The following COA1 variants were observed in gnomAD, a reference collection of about 807,000 sequenced individuals.
COA1 encodes the protein cytochrome c oxidase assembly factor 1.
In COA1, 13 loss-of-function variants were observed where a neutral mutation model predicts 16.0. That is an observed-to-expected ratio of 0.81 (90% CI 0.53 to 1.29). The LOEUF is 1.29. Ranked by LOEUF, COA1 falls within the 50% of genes most tolerant of loss-of-function variation. COA1 has a pLI of 0.00. For synonymous variants in COA1, 65 were observed against 65.7 expected (o/e 0.99, Z 0.05); for missense variants, 179 against 177.0 (o/e 1.01, Z -0.06).
chr7:43,611,796 G>GT (rs1197165865), intron 6 of COA1, among the ~76,000 whole-genome samples: 31 of 152,092 alleles, frequency 2.0e-4, no homozygotes, highest in Non-Finnish European at 4.1e-4. Flanking sequence ...TTTTAATGAT[G>GT]TTTTACTAGT....
intron 1 of COA1, among the ~76,000 whole-genome samples, chr7:43,688,304 T>G (rs2094128882): frequency 6.6e-6 from 1 of 152,186 alleles, no homozygotes; most frequent in Non-Finnish European, 1.5e-5. Context: ...TTAATGCTTA[T>G]GCCTCAGAAA....
chr7:43,717,338 A>C (rs916125023), intron 1 of COA1, among the ~76,000 whole-genome samples: 2 of 152,088 alleles, frequency 1.3e-5, no homozygotes, highest in Non-Finnish European at 2.9e-5. Flanking sequence ...GGCAGCTCCA[A>C]CAGCATGACC....
chr7:43,721,943 T>C (rs1188024133), intron 1 of COA1, among the ~76,000 whole-genome samples: 1 of 152,164 alleles, frequency 6.6e-6, no homozygotes, highest in Non-Finnish European at 1.5e-5. Flanking sequence ...TAATACTGCA[T>C]GCTGACATAC....
chr7:43,713,314 G>A (rs1023872132), intron 1 of COA1, among the ~76,000 whole-genome samples: 21 of 152,028 alleles, frequency 1.4e-4, no homozygotes, highest in African/African-American at 4.3e-4. Context: ...ATCATCTCAC[G>A]CACTTATCAC....
intron 1 of COA1, 29 bp downstream of exon 1, chr7:43,729,400 C>T (rs562746201): frequency 6.6e-6 from 1 of 152,350 alleles, no homozygotes; most frequent in South Asian, 2.1e-4. Flanking sequence ...GGGGGGAAGA[C>T]GGAGACTCTT....
intron 1 of COA1, among the ~76,000 whole-genome samples, chr7:43,708,409 C>T (rs899305884): frequency 1.4e-5 from 2 of 138,334 alleles, no homozygotes; most frequent in African/African-American, 2.5e-5. Context: ...TGCAGTGAGC[C>T]GAGATCGTAC....
At chr7:43,614,110 C>T (rs2083125257) in intron 6 of COA1, among the ~76,000 whole-genome samples, 1 of 152,190 alleles carries the variant, frequency 6.6e-6, no homozygotes, top group African/African-American at 2.4e-5. Flanking sequence ...CCATGACACC[C>T]TAAGCCTTAT....
intron 1 of COA1, among the ~76,000 whole-genome samples, chr7:43,727,942 T>A (rs924233338): frequency 3.3e-5 from 5 of 152,066 alleles, no homozygotes; most frequent in African/African-American, 1.2e-4. Flanking sequence ...ACTTTGTGAA[T>A]GTACTAATGT....
intron 4 of COA1, among the ~76,000 whole-genome samples, chr7:43,644,766 G>A (rs10243997): frequency 0.051 from 4,098 of 79,778 alleles, 136 homozygotes; most frequent in African/African-American, 0.091. Flanking sequence ...AGATAGGCAG[G>A]CAGGCAGGCA....
At chr7:43,624,888 T>A in intron 6 of COA1, 1 of 1,487,412 alleles carries the variant, frequency 6.7e-7, no homozygotes, top group Non-Finnish European at 9.0e-7. Flanking sequence ...TTGAAAATGT[T>A]AATATTATTT....
intron 1 of COA1, among the ~76,000 whole-genome samples, chr7:43,656,743 C>T (rs767150433): frequency 6.6e-6 from 1 of 152,076 alleles, no homozygotes; most frequent in African/African-American, 2.4e-5. Flanking sequence ...AACAATAATA[C>T]AGTAGTTATT....
chr7:43,647,538 G>C lies in COA1; in HGVS notation c.112C>G (p.Gln38Glu), dbSNP rs1247496768. 6.2e-7 allele frequency: 1 copy of C among 1,610,384 alleles called. No individual in the cohort carries two copies. Among genetic ancestry groups the C allele is most frequent in the Non-Finnish European group, 8.5e-7 (1 of 1,176,512 alleles). Residue 38 changes from glutamine to glutamate, a missense_variant, in exon 3 of 6, where the codon CAA becomes GAA. Gln to Glu is a conservative substitution (Grantham distance 29). Transcript: ENST00000223336. ...GGFAIVYYLI[Q>E]KFHSRALYYK... ...AGGCGGCTAGCAGGATACTTACTTT[G>C]AATGAGGTAATACACAATGGCAAAG...
At chr7:43,700,390 A>G (rs185958910) in intron 1 of COA1, among the ~76,000 whole-genome samples, 32 of 152,188 alleles carry the variant, frequency 2.1e-4, no homozygotes, top group Admixed American at 1.9e-3. Context: ...AAAGCCTCTG[A>G]AAGTAGTCTG....
At chr7:43,715,395 G>C (rs756342320) in intron 1 of COA1, among the ~76,000 whole-genome samples, 1 of 151,134 alleles carries the variant, frequency 6.6e-6, no homozygotes, top group Non-Finnish European at 1.5e-5. Flanking sequence ...GGAGAATGGC[G>C]TGAACCCGGG....
intron 1 of COA1, among the ~76,000 whole-genome samples, chr7:43,727,678 T>C (rs547807719): frequency 2.0e-5 from 3 of 152,338 alleles, no homozygotes; most frequent in East Asian, 1.9e-4. Context: ...AGTCAATTCA[T>C]AGTTGCTTAG....
chr7:43,705,170 C>G (rs1056025359), intron 1 of COA1, among the ~76,000 whole-genome samples: 7 of 152,190 alleles, frequency 4.6e-5, no homozygotes, highest in Admixed American at 1.3e-4. Flanking sequence ...TAAGTACCTA[C>G]TGCTCTGAAG....
chr7:43,711,734 C>T (rs2095255251), intron 1 of COA1, among the ~76,000 whole-genome samples: 2 of 152,296 alleles, frequency 1.3e-5, no homozygotes, highest in South Asian at 4.1e-4. Context: ...TACAGCATGT[C>T]ACTGTACTGA....
At chr7:43,713,504 T>G (rs987453143) in intron 1 of COA1, among the ~76,000 whole-genome samples, 1 of 152,194 alleles carries the variant, frequency 6.6e-6, no homozygotes, top group African/African-American at 2.4e-5. Flanking sequence ...TGCCCAAGTC[T>G]CTGGTAAGTT....
chr7:43,614,665 A>AATAGCTCTGATTTTATGAG (rs2083184630), intron 6 of COA1, among the ~76,000 whole-genome samples: 1 of 152,176 alleles, frequency 6.6e-6, no homozygotes, highest in South Asian at 2.1e-4. Context: ...AATCCCATGA[A>AATAGCTCTGATTTTATGAG]ATAGCTCTGA....
Sources: allele counts gnomAD v4.1 joint callset (sites outside exome capture counted in the v4.1 genomes callset), GRCh38; gene constraint gnomAD v4.1.1; transcripts MANE v1.5; gene names NCBI Gene and HGNC (gene_info 2026-07-23, HGNC 2026-07-21).